GLRB: variants seen among roughly 807,000 people sequenced by gnomAD.
The protein encoded by GLRB is glycine receptor subunit beta.
In GLRB, 33 loss-of-function variants were observed where a neutral mutation model predicts 54.2. The observed-to-expected ratio is 0.61, with a 90% CI of 0.46 to 0.81. The LOEUF is 0.81. Ranked by LOEUF, GLRB falls within the 40% of genes least tolerant of loss-of-function variation. The pLI is 0.00. For missense variants in GLRB, 572 were observed against 584.6 expected, an observed-to-expected ratio of 0.98 and a Z score of 0.22; for synonymous variants, 209 against 208.2, an observed-to-expected ratio of 1.00 and a Z score of -0.03.
chr4:157,126,470 T>G (rs571006619), intron 4 of GLRB, among the ~76,000 whole-genome samples: 1 of 151,974 alleles, frequency 6.6e-6, no homozygotes, highest in East Asian at 2.0e-4. Flanking sequence ...TTTTGTAAGG[T>G]ATCATTATCA....
At chr4:157,091,594 C>G (rs549176731) in intron 2 of GLRB, among the ~76,000 whole-genome samples, 1 of 152,108 alleles carries the variant, frequency 6.6e-6, no homozygotes, top group African/African-American at 2.4e-5. Context: ...GTCCACAGAC[C>G]CCCTGCAAGT....
intron 9 of GLRB, among the ~76,000 whole-genome samples, chr4:157,158,260 A>C (rs1330442424): frequency 1.3e-5 from 2 of 151,308 alleles, no homozygotes; most frequent in Admixed American, 6.6e-5. Flanking sequence ...GATTGTAAAA[A>C]TTTTCTCCCA....
intron 2 of GLRB, 55 bp from the exon 3 acceptor site, chr4:157,120,501 A>G: frequency 1.1e-6 from 1 of 889,816 alleles, no homozygotes; most frequent in Non-Finnish European, 1.9e-6. Flanking sequence ...AGAATTACCC[A>G]TTTCTGTTGT....
chr4:157,159,632 C>A (rs1403401864), intron 9 of GLRB, among the ~76,000 whole-genome samples: 2 of 152,098 alleles, frequency 1.3e-5, no homozygotes, highest in African/African-American at 4.8e-5. Context: ...GGATGGGTTA[C>A]ATTTATTGAT....
At position 157,098,179 on chromosome 4, in the gene GLRB, G is replaced by A. The variant is rs146672686; in HGVS notation, c.122+20033G>A. Among the ~76,000 whole-genome samples the A allele has an allele frequency of 3.3e-5, 5 of 152,156 alleles. No individual in the cohort carries two copies. In the East Asian group the frequency reaches 9.7e-4, roughly 29 times the overall value. On this transcript the variant is annotated intron_variant, in intron 2 of 9. Transcript: ENST00000264428. ...AACAATTTATACTCTTTTGTATCTA[G>A]ATTCCTTTCTTCAATATCATATCTG...
At chr4:157,134,841 T>C (rs1736343097) in intron 4 of GLRB, among the ~76,000 whole-genome samples, 1 of 152,082 alleles carries the variant, frequency 6.6e-6, no homozygotes, top group Non-Finnish European at 1.5e-5. Context: ...CACCAGGATA[T>C]GAGAGAGAAA....
intron 2 of GLRB, chr4:157,084,558 T>A (rs1427702477): frequency 4.4e-6 from 2 of 455,560 alleles, no homozygotes; most frequent in African/African-American, 4.0e-5. Flanking sequence ...GTTCTGTGTG[T>A]GTGTTGAGAA....
At chr4:157,153,744 G>A (rs1052100558) in intron 9 of GLRB, among the ~76,000 whole-genome samples, 1 of 152,124 alleles carries the variant, frequency 6.6e-6, no homozygotes, top group East Asian at 1.9e-4. Flanking sequence ...CCTTCTGGAT[G>A]GGTGGACCAG....
At chr4:157,153,987 G>A in intron 9 of GLRB, among the ~76,000 whole-genome samples, 1 of 152,182 alleles carries the variant, frequency 6.6e-6, no homozygotes, top group East Asian at 1.9e-4. Context: ...GTATGGTGCT[G>A]CCTGTGGCCT....
At chr4:157,089,286 C>A (rs773813688) in intron 2 of GLRB, among the ~76,000 whole-genome samples, 1 of 151,970 alleles carries the variant, frequency 6.6e-6, no homozygotes, top group Middle Eastern at 3.2e-3. Flanking sequence ...GTAATCCCAG[C>A]TGCTTGGGAG....
intron 3 of GLRB, 59 bp from the exon 4 acceptor site, chr4:157,122,271 T>C (rs1268169379): frequency 1.4e-6 from 1 of 691,736 alleles, no homozygotes; most frequent in East Asian, 2.8e-5. Flanking sequence ...AAAAAAACTA[T>C]GATGATTCTG....
Position 157,136,544 on chromosome 4 carries a change from T to A in GLRB, c.373T>A (p.Ser125Thr). The change falls in exon 5 of 10, where the codon TCA (serine) becomes ACA (threonine). Residue 125 changes from serine to threonine, a missense_variant. Physicochemically the swap from Ser to Thr is moderately conservative, Grantham distance 58 (BLOSUM62 1). Coordinates refer to ENST00000264428, the MANE Select transcript of GLRB (RefSeq NM_000824.5). ...GAAGCTCCCCAGTGATTTTAGGGGT[T>A]CAGATGCACTGACAGTGGATCCAAC... ...RLKLPSDFRGSDALTVDPTMY... is the reference protein window; with the variant it reads ...RLKLPSDFRGTDALTVDPTMY... 6.2e-7 allele frequency: 1 copy of A among 1,612,670 alleles called. No homozygotes were observed. Among genetic ancestry groups the A allele is most frequent in the Non-Finnish European group, 8.5e-7 (1 of 1,178,708 alleles).
At chr4:157,111,559 C>T (rs1008967242) in intron 2 of GLRB, among the ~76,000 whole-genome samples, 1 of 151,874 alleles carries the variant, frequency 6.6e-6, no homozygotes, top group African/African-American at 2.4e-5. Context: ...TATTTTCCTA[C>T]GAGTTCAGTG....
chr4:157,076,887 T>C (rs1429072793), intron 1 of GLRB, among the ~76,000 whole-genome samples: 1 of 144,412 alleles, frequency 6.9e-6, no homozygotes, highest in Non-Finnish European at 1.5e-5. Flanking sequence ...GCCCCCTCTG[T>C]TGTCTTCAAT....
intron 4 of GLRB, 64 bp from the exon 5 acceptor site, chr4:157,136,405 G>A (rs1447869072): frequency 1.3e-5 from 12 of 934,394 alleles, no homozygotes; most frequent in Non-Finnish European, 1.9e-5. Context: ...TTGTTTTGGG[G>A]CCGAATAAGT....
chr4:157,142,850 T>C (rs1039497433), intron 7 of GLRB, among the ~76,000 whole-genome samples: 8 of 152,180 alleles, frequency 5.3e-5, no homozygotes, highest in Non-Finnish European at 1.2e-4. Context: ...GCAAATGACA[T>C]TCTTCTCTAA....
chr4:157,076,957 TG>T (rs1327559097), intron 1 of GLRB, among the ~76,000 whole-genome samples: 1 of 88,998 alleles, frequency 1.1e-5, no homozygotes, highest in Non-Finnish European at 2.0e-5. Context: ...AAGATAAATA[TG>T]GGGGGAAGAA....
At chr4:157,087,673 G>A (rs969573169) in intron 2 of GLRB, among the ~76,000 whole-genome samples, 2 of 151,916 alleles carry the variant, frequency 1.3e-5, no homozygotes, top group Admixed American at 1.3e-4. Flanking sequence ...TCAAAACATA[G>A]GTATTTAACT....
intron 2 of GLRB, among the ~76,000 whole-genome samples, chr4:157,107,567 A>C (rs550518873): frequency 2.0e-5 from 3 of 152,184 alleles, no homozygotes; most frequent in African/African-American, 7.2e-5. Flanking sequence ...GCAAGGCCCT[A>C]ACTCTTCTTA....
Sources: allele counts gnomAD v4.1 joint callset (sites outside exome capture counted in the v4.1 genomes callset), GRCh38; gene constraint gnomAD v4.1.1; transcripts MANE v1.5; gene names NCBI Gene and HGNC (gene_info 2026-07-23, HGNC 2026-07-21).